Variants in BTAF1 observed in about 807,000 individuals in gnomAD.
BTAF1 encodes B-TFIID TATA-box binding protein associated factor 1.
BTAF1 carries 38 observed loss-of-function variants against 227.1 expected under a neutral mutation model. The observed-to-expected ratio is 0.17, with a 90% CI of 0.13 to 0.22. The LOEUF is 0.22. BTAF1 is among the 10% of genes least tolerant of loss of function. The pLI is 1.00. For missense variants in BTAF1, 1,598 were observed against 2,204.0 expected (o/e 0.73, Z 5.51); for synonymous variants, 742 against 751.9 (o/e 0.99, Z 0.21).
intron 11 of BTAF1, among the ~76,000 whole-genome samples, chr10:91,960,611 T>G (rs1471294869): frequency 6.6e-6 from 1 of 151,972 alleles, no homozygotes; most frequent in Non-Finnish European, 1.5e-5. Context: ...TTTAATCCTT[T>G]ATGACAAAGC....
rs190632749 is a variant in BTAF1, at chr10:91,992,641, C to T, written c.3045+332C>T. Among the ~76,000 whole-genome samples the T allele has an allele frequency of 1.1e-4, 16 of 152,250 alleles. 1 individual carries two copies. Among genetic ancestry groups the T allele is most frequent in the Admixed American group, 6.5e-5 (1 of 15,296 alleles). ...TCAATGCACAAATGTCATATAATTG[C>T]AACCCACCTGACTTTTTTAGTCAAT... is the stretch of plus-strand genomic sequence containing the variant. On this transcript the variant is annotated intron_variant, in intron 21 of 37. Transcript: ENST00000265990.
At chr10:91,935,487 C>T (rs1844547473) in intron 1 of BTAF1, among the ~76,000 whole-genome samples, 170 bp from the exon 2 acceptor site, 1 of 152,166 alleles carries the variant, frequency 6.6e-6, no homozygotes, top group African/African-American at 2.4e-5. Context: ...TGAGAATATG[C>T]GGCATTTATC....
intron 12 of BTAF1, 57 bp downstream of exon 12, chr10:91,962,735 G>A: frequency 6.9e-7 from 1 of 1,448,676 alleles, no homozygotes; most frequent in Non-Finnish European, 9.3e-7. Flanking sequence ...TTTGGGATAT[G>A]GAGTATTAGA....
chr10:91,942,422 A>C lies in BTAF1; in HGVS notation c.254A>C (p.Glu85Ala). The part of the protein sequence containing the change: ...EWNPVPRTRQ[E>A]PTSESSMEDS... ...ATTAATATTTTTAAACCTCATGTAG[A>C]ACCTACTTCCGAAAGTTCTATGGAA... is the stretch of plus-strand genomic sequence containing the variant. The change falls in exon 4 of 38, where the codon GAA (glutamate) becomes GCA (alanine). Residue 85 changes from glutamate (E) to alanine (A), a missense_variant and splice_region_variant. By Grantham distance (107) the Glu-to-Ala change is moderately radical. This residue lies in a region of BTAF1 where 298 missense variants were observed against 395.2 expected (regional missense o/e 0.75). Transcript: ENST00000265990. 6.2e-7 allele frequency: 1 copy of C among 1,613,072 alleles called. No individual in the cohort carries two copies. Among genetic ancestry groups the C allele is most frequent in the Non-Finnish European group, 8.5e-7 (1 of 1,179,288 alleles).
chr10:91,948,660 G>T (rs1044108941), intron 4 of BTAF1, among the ~76,000 whole-genome samples: 2 of 150,458 alleles, frequency 1.3e-5, no homozygotes, highest in African/African-American at 4.9e-5. Flanking sequence ...GGGATTACAG[G>T]TGTGAGCCAC....
rs1452127719 is a variant in BTAF1 at position 91,960,037 on chromosome 10, G to C, written c.1146G>C (p.Met382Ile). The C allele has an allele frequency of 6.2e-7, 1 of 1,613,450 alleles. No homozygotes were observed. The highest frequency in any genetic ancestry group is 1.3e-5 in the African/African-American group (1 of 74,994). ...CATTAGGTGTGGTTTTAAAACACAT[G>C]AACGAAACAGGAGTTCATAAGACTG... Reference protein sequence around the residue: ...AQTLGVVLKHMNETGVHKTVD... With the variant: ...AQTLGVVLKHINETGVHKTVD... The change falls in exon 11 of 38, where the codon ATG (methionine) becomes ATC (isoleucine). Residue 382 changes from methionine to isoleucine, a missense_variant. Physicochemically the swap from Met to Ile is conservative, Grantham distance 10. Transcript: ENST00000265990.
intron 1 of BTAF1, among the ~76,000 whole-genome samples, chr10:91,929,512 A>G (rs188571693): frequency 1.3e-5 from 2 of 152,322 alleles, no homozygotes; most frequent in African/African-American, 4.8e-5. Flanking sequence ...CCTTTGCTCA[A>G]TTTTGTTAAT....
Position 92,013,896 on chromosome 10 carries a change from C to T in BTAF1, c.4454-3C>T. 6.2e-7 allele frequency: 1 copy of T among 1,613,492 alleles called. No individual in the cohort carries two copies. The highest frequency in any genetic ancestry group is 8.5e-7 in the Non-Finnish European group (1 of 1,179,882). Reference sequence around the variant, plus strand: ...AAGCCATTTTCTCTTTAACTATTAACAGGTGTTCTTGCTATGGATGCGCTG... The same window carrying T: ...AAGCCATTTTCTCTTTAACTATTAATAGGTGTTCTTGCTATGGATGCGCTG... On this transcript the variant is annotated splice_polypyrimidine_tract_variant and splice_region_variant and intron_variant, in intron 31 of 37. Transcript: ENST00000265990.
chr10:91,948,913 G>T (rs1176821039), intron 4 of BTAF1, among the ~76,000 whole-genome samples: 1 of 152,070 alleles, frequency 6.6e-6, no homozygotes, highest in Non-Finnish European at 1.5e-5. Context: ...ACCCAGTCTG[G>T]TTCTTTTTTA....
Position 91,989,346 on chromosome 10 carries a change from T to C in BTAF1, c.2620T>C (p.Leu874=), listed in dbSNP as rs74490737. 4,515 of 1,614,038 alleles carry C rather than the reference T, an allele frequency of 2.8e-3. 99 individuals carry two copies. The African/African-American group carries it at 0.052, about 18-fold the overall frequency. The stretch of plus-strand genomic sequence containing the variant: ...GAGCTTGCAGCAGCTTCCGGAGAAA[T>C]TAAATCCTATCATAAAACCATTAAT... ...VVSLQQLPEK[L]NPIIKPLMET... is the part of the protein sequence containing the mutation. The change falls in exon 20 of 38, where the codon TTA becomes CTA. Residue 874 remains leucine, a synonymous_variant. Transcript: ENST00000265990.
At chr10:91,981,554 TAAAA>T (rs879685249) in intron 15 of BTAF1, 85 bp from the exon 16 acceptor site, 8 of 1,353,858 alleles carry the variant, frequency 5.9e-6, no homozygotes, top group African/African-American at 1.5e-5. Flanking sequence ...ATTTCCTACT[TAAAA>T]AAACCTCAGT....
In BTAF1 at chr10:91,924,212, A is replaced by G. The variant is rs1763899867; in HGVS notation, c.14+122A>G. 3 of 1,353,904 alleles carry G rather than the reference A, an allele frequency of 2.2e-6. No individual in the cohort carries two copies. The South Asian group carries it at 4.4e-5, about 20-fold the overall frequency. 83.9% of individuals were successfully genotyped at this position (1,353,904 alleles called of 1,614,324 possible). A position where few individuals can be genotyped will look rare whatever the true frequency, so the allele number is the denominator to read the frequency against. On this transcript the variant is annotated intron_variant, in intron 1 of 37. Coordinates refer to ENST00000265990, the MANE Select transcript of BTAF1 (RefSeq NM_003972.3). Reference sequence around the variant, plus strand: ...GTCACTGGGCTCTGGAGCTTTCTTCAGTAGACTTCGGAGTTCGCCCCGTGG... The same window carrying G: ...GTCACTGGGCTCTGGAGCTTTCTTCGGTAGACTTCGGAGTTCGCCCCGTGG...
At position 91,960,254 on chromosome 10, in the gene BTAF1, C is replaced by A. The variant is rs183136090; in HGVS notation, c.1263+100C>A. ...AAATGGCCGTAGATTCTTACTGTTA[C>A]AGAGAAGCCAGTCTTCCAAGATTTG... On this transcript the variant is annotated intron_variant, in intron 11 of 37. Transcript: ENST00000265990. 1.8e-3 allele frequency: 2,274 copies of A among 1,250,374 alleles called. 3 individuals carry two copies. The highest frequency in any genetic ancestry group is 2.2e-3 in the Non-Finnish European group (2,075 of 922,242). The allele number at this position is 1,250,374 out of a possible 1,614,324, so 77.5% of individuals were successfully genotyped here.
Position 92,028,806 on chromosome 10 carries a change from A to G in BTAF1, c.5423A>G (p.Lys1808Arg), listed in dbSNP as rs756705825. 2 of 1,592,726 alleles carry G rather than the reference A, an allele frequency of 1.3e-6. No homozygotes were observed. The highest frequency in any genetic ancestry group is 1.7e-6 in the Non-Finnish European group (2 of 1,173,938). ...TTTCTTAAGGATGGCAAAGCAGAAA[A>G]AGCTGACACCTCTACTTCTGGGAAA... The part of the protein sequence containing the change: ...FTLDKDGKAE[K>R]ADTSTSGKAS... Residue 1808 changes from lysine to arginine, a missense_variant, in exon 38 of 38, where the codon AAA (lysine) becomes AGA (arginine). By Grantham distance (26) the Lys-to-Arg change is conservative. Around this residue, in one of 10 missense-constraint regions of BTAF1, gnomAD observed 79 missense variants for 97.9 expected, o/e 0.81. Transcript: ENST00000265990.
chr10:91,952,392 T>A (rs1284551713), intron 5 of BTAF1, among the ~76,000 whole-genome samples: 1 of 152,202 alleles, frequency 6.6e-6, no homozygotes, highest in Non-Finnish European at 1.5e-5. Context: ...TGCCACAGAC[T>A]CTTTTGAAGC....
intron 33 of BTAF1, among the ~76,000 whole-genome samples, chr10:92,018,222 T>C (rs1043438941): frequency 3.3e-5 from 5 of 152,142 alleles, no homozygotes; most frequent in African/African-American, 1.2e-4. Flanking sequence ...TTGCTGGGAT[T>C]ACAGGCACAT....
At position 92,018,772 on chromosome 10, in the gene BTAF1, T is replaced by C. The variant is rs1438413770; in HGVS notation, c.4711-11T>C. On this transcript the variant is annotated splice_polypyrimidine_tract_variant and intron_variant, in intron 33 of 37. Transcript: ENST00000265990. ...AATTGACTCATATATACTTTTTTTTTCCTCTTGAAGGCATTACAGTACTTA... is the reference window on the plus strand; with the variant it reads ...AATTGACTCATATATACTTTTTTTTCCCTCTTGAAGGCATTACAGTACTTA... 3 of 1,495,110 alleles carry C rather than the reference T, an allele frequency of 2.0e-6. No homozygotes were observed. The highest frequency in any genetic ancestry group is 1.8e-6 in the Non-Finnish European group (2 of 1,118,774). 92.6% of individuals were successfully genotyped at this position (1,495,110 alleles called of 1,614,324 possible). A position where few individuals can be genotyped will look rare whatever the true frequency, so the allele number is the denominator to read the frequency against.
intron 19 of BTAF1, 49 bp downstream of exon 19, chr10:91,984,453 G>A: frequency 2.7e-6 from 4 of 1,471,562 alleles, no homozygotes; most frequent in Non-Finnish European, 3.7e-6. Context: ...ATGAAATATA[G>A]GTTAGAAATT....
intron 1 of BTAF1, among the ~76,000 whole-genome samples, chr10:91,928,434 A>G (rs986772135): frequency 3.9e-5 from 6 of 152,240 alleles, no homozygotes; most frequent in African/African-American, 1.4e-4. Flanking sequence ...TTAGTAAAAG[A>G]CCCAAAATCC....
Sources: gnomAD v4.1 joint callset for allele counts (sites outside exome capture counted in the v4.1 genomes callset) on GRCh38, gnomAD v4.1.1 for gene constraint, gnomAD v4.1.1 regional missense constraint, MANE v1.5 for transcripts, NCBI Gene and HGNC (gene_info 2026-07-23, HGNC 2026-07-21) for gene names.